ALDH4A1: variants seen among roughly 807,000 people sequenced by gnomAD.
ALDH4A1 encodes aldehyde dehydrogenase 4 family member A1.
In ALDH4A1, 46 loss-of-function variants were observed where a neutral mutation model predicts 70.5. The observed-to-expected ratio is 0.65, with a 90% confidence interval of 0.51 to 0.83. The LOEUF (loss-of-function observed/expected upper bound fraction) is 0.83, where lower values mean the gene tolerates loss of function less well. Among genes scored for constraint, ALDH4A1 ranks in the 40% least tolerant of loss-of-function variants. The pLI, the probability that ALDH4A1 is intolerant of heterozygous loss-of-function variation, is 0.00. For synonymous variants in ALDH4A1, 323 were observed against 324.3 expected (o/e 1.00, Z 0.04); for missense variants, 749 against 766.5 (o/e 0.98, Z 0.27).
At chr1:18,887,645 A>C (rs1421060638) in intron 3 of ALDH4A1, among the ~76,000 whole-genome samples, 5 of 152,080 alleles carry the variant, frequency 3.3e-5, no homozygotes, top group Admixed American at 2.6e-4. Context: ...GTAAAGGTAC[A>C]AGGAACACCA....
chr1:18,886,581 C>A lies in ALDH4A1; in HGVS notation c.250-70G>T, dbSNP rs746012688. On this transcript the variant is annotated intron_variant, in intron 3 of 14. Coordinates refer to ENST00000375341, the MANE Select transcript of ALDH4A1 (RefSeq NM_003748.4). ...CAGGATAAGGATGAAGAGGACTGGACTCAGAGCCGGTTTTCCAGGAAAGTC... is the reference window on the plus strand; with the variant it reads ...CAGGATAAGGATGAAGAGGACTGGAATCAGAGCCGGTTTTCCAGGAAAGTC... The A allele has an allele frequency of 1.4e-5, 22 of 1,554,348 alleles. No individual in the cohort carries two copies. In the South Asian group the frequency reaches 2.2e-4, roughly 16 times the overall value.
rs141403437 is a variant in ALDH4A1 at position 18,892,109 on chromosome 1, T to C, written c.63-2004A>G. ...TCAGAGGGACGTGGCCTGAGGCTAG[T>C]GTTCTGCGGGATTGTTTTTGCCCTA... On this transcript the variant is annotated intron_variant, in intron 1 of 14. Coordinates refer to ENST00000375341, the MANE Select transcript of ALDH4A1 (RefSeq NM_003748.4). Among the ~76,000 whole-genome samples the C allele has an allele frequency of 2.0e-3, 304 of 151,620 alleles. 6 individuals are homozygous for C. The East Asian group carries it at 0.027, about 13-fold the overall frequency.
In ALDH4A1 at chr1:18,877,271, G is replaced by A. The variant is rs757119976; in HGVS notation, c.1138-16C>T. 5.6e-6 allele frequency: 9 copies of A among 1,600,826 alleles called. No homozygotes were observed. The highest frequency in any genetic ancestry group is 1.7e-5 in the Admixed American group (1 of 59,100). On this transcript the variant is annotated splice_polypyrimidine_tract_variant and intron_variant, in intron 10 of 14. Coordinates refer to ENST00000375341, the MANE Select transcript of ALDH4A1 (RefSeq NM_003748.4). ...CCTCTGCAGGCTGGAGGCAAGGGAG[G>A]CGCCAGAAGAGACGAGTCACTGCAG... is the stretch of plus-strand genomic sequence containing the variant.
At chr1:18,888,306 G>A (rs1935298391) in intron 3 of ALDH4A1, among the ~76,000 whole-genome samples, 1 of 152,206 alleles carries the variant, frequency 6.6e-6, no homozygotes, top group Admixed American at 6.5e-5. Flanking sequence ...TAAGGGCAGA[G>A]AAGGTGGCTG....
chr1:18,897,190 G>A (rs1274747440), intron 1 of ALDH4A1: 1 of 454,574 alleles, frequency 2.2e-6, no homozygotes, highest in Non-Finnish European at 4.5e-6. Flanking sequence ...TTGGAACTTG[G>A]GAGTAGGGAT....
intron 1 of ALDH4A1, among the ~76,000 whole-genome samples, chr1:18,895,577 C>A (rs1324019894): frequency 6.6e-6 from 1 of 152,180 alleles, no homozygotes; most frequent in Non-Finnish European, 1.5e-5. Flanking sequence ...AGGACATGCA[C>A]CATTTCACCT....
Position 18,879,163 on chromosome 1 carries a change from A to G in ALDH4A1, c.940+137T>C, listed in dbSNP as rs1934860453. On this transcript the variant is annotated intron_variant, in intron 9 of 14. Transcript: ENST00000375341. ...CGCATCCCTCATCACAAAAAGTTCT[A>G]CTGGGCAGTGCTGGTGCCTGAAATG... 13 of 813,638 alleles carry G rather than the reference A, an allele frequency of 1.6e-5. No homozygotes were observed. In the South Asian group the frequency reaches 1.8e-4, roughly 11 times the overall value. 50.4% of individuals were successfully genotyped at this position (813,638 alleles called of 1,614,324 possible).
At chr1:18,882,943 C>T (rs533319110) in intron 7 of ALDH4A1, among the ~76,000 whole-genome samples, 181 bp downstream of exon 7, 62 of 152,350 alleles carry the variant, frequency 4.1e-4, no homozygotes, top group African/African-American at 6.0e-4. Context: ...AGAGGCACGA[C>T]GCTGGGATTC....
chr1:18,873,351 G>A (rs149367572), intron 14 of ALDH4A1, among the ~76,000 whole-genome samples: 4 of 152,202 alleles, frequency 2.6e-5, no homozygotes, highest in Non-Finnish European at 5.9e-5. Flanking sequence ...GGAATTTCCA[G>A]AGTGATGGGG....
At chr1:18,876,964 T>G (rs1371632060) in intron 11 of ALDH4A1, among the ~76,000 whole-genome samples, 2 of 152,184 alleles carry the variant, frequency 1.3e-5, no homozygotes, top group Non-Finnish European at 2.9e-5. Flanking sequence ...CATGCACTCA[T>G]GCAAATGCTA....
At chr1:18,881,104 G>A (rs1270616696) in intron 8 of ALDH4A1, among the ~76,000 whole-genome samples, 1 of 152,052 alleles carries the variant, frequency 6.6e-6, no homozygotes, top group African/African-American at 2.4e-5. Flanking sequence ...TCGAGATCAG[G>A]TAGTGGCCTG....
In ALDH4A1 at chr1:18,874,590, C is replaced by G; in HGVS notation, c.1461-9G>C. The G allele has an allele frequency of 6.2e-7, 1 of 1,614,078 alleles. No homozygotes were observed. The highest frequency in any genetic ancestry group is 8.5e-7 in the Non-Finnish European group (1 of 1,179,934). ...CCTCCTGCACGACGTCCCTACAAAG[C>G]AGAGCAGTGGTGACAGAGCAACCAG... On this transcript the variant is annotated splice_polypyrimidine_tract_variant and intron_variant, in intron 13 of 14. Coordinates refer to ENST00000375341, the MANE Select transcript of ALDH4A1 (RefSeq NM_003748.4).
At chr1:18,901,491 T>C (rs1935797977) in intron 1 of ALDH4A1, among the ~76,000 whole-genome samples, 1 of 152,206 alleles carries the variant, frequency 6.6e-6, no homozygotes. Flanking sequence ...GGAACCCCTC[T>C]GGGGCAGGGT....
rs200384496 is a variant in ALDH4A1 at position 18,875,495 on chromosome 1, G to A, written c.1347C>T (p.Phe449=). The A allele has an allele frequency of 2.5e-5, 40 of 1,613,960 alleles. No individual in the cohort carries two copies. The highest frequency in any genetic ancestry group is 8.0e-5 in the African/African-American group (6 of 74,908). The change falls in exon 13 of 15, where the codon TTC becomes TTT. Residue 449 remains phenylalanine, a synonymous_variant. Transcript: ENST00000375341. Reference sequence around the variant, plus strand: ...AGACGTACACAGACAGTACAGGCCCGAAGATCTCCTAGGAGAGAGGCCCCG... The same window carrying A: ...AGACGTACACAGACAGTACAGGCCCAAAGATCTCCTAGGAGAGAGGCCCCG... ...PQEPIMKEEI[F]GPVLSVYVYP... is the part of the protein sequence containing the mutation.
chr1:18,875,265 G>A, intron 13 of ALDH4A1, 117 bp downstream of exon 13: 1 of 1,531,192 alleles, frequency 6.5e-7, no homozygotes, highest in South Asian at 1.1e-5. Context: ...CTGAGGGGAG[G>A]GGACAGAGAG....
In ALDH4A1 at chr1:18,885,618, T is replaced by A. The variant is rs761377015; in HGVS notation, c.308A>T (p.Asn103Ile). 1.9e-6 allele frequency: 3 copies of A among 1,613,884 alleles called. No individual in the cohort carries two copies. In the African/African-American group the frequency reaches 4.0e-5, roughly 22 times the overall value. The change falls in exon 5 of 15, where the codon AAC (asparagine) becomes ATC (isoleucine). Residue 103 changes from asparagine to isoleucine, a missense_variant. Asn to Ile is a moderately radical substitution (Grantham distance 149, BLOSUM62 -3). Coordinates refer to ENST00000375341, the MANE Select transcript of ALDH4A1 (RefSeq NM_003748.4). ...KFCYADKSLL[N>I]KAIEAALAAR... is the part of the protein sequence containing the mutation. ...AGCCAGGGCAGCCTCAATGGCTTTG[T>A]TGAGCAGGCTCTAAAGGGAGAGGGA...
chr1:18,900,870 C>T, intron 1 of ALDH4A1: 1 of 985,312 alleles, frequency 1.0e-6, no homozygotes, highest in Non-Finnish European at 1.2e-6. Flanking sequence ...TGAGACAGTA[C>T]TTACCGGCTC....
At chr1:18,888,508 GA>G (rs1935305187) in intron 3 of ALDH4A1, among the ~76,000 whole-genome samples, 1 of 152,236 alleles carries the variant, frequency 6.6e-6, no homozygotes, top group Non-Finnish European at 1.5e-5. Flanking sequence ...GGGCTTATCA[GA>G]ATGCCGGAGC....
At chr1:18,877,119 T>G in intron 11 of ALDH4A1, 89 bp downstream of exon 11, 1 of 1,511,644 alleles carries the variant, frequency 6.6e-7, no homozygotes. Context: ...GGTCATGCCC[T>G]GGGTCAGGGT....
Sources: gnomAD v4.1 joint callset for allele counts (sites outside exome capture counted in the v4.1 genomes callset) on GRCh38, gnomAD v4.1.1 for gene constraint, MANE v1.5 for transcripts, NCBI Gene and HGNC (gene_info 2026-07-23, HGNC 2026-07-21) for gene names.